ERBB4: variants seen among roughly 807,000 people sequenced by gnomAD.
ERBB4 encodes the protein receptor tyrosine-protein kinase erbB-4.
Under a neutral mutation model 158.0 loss-of-function variants are expected in ERBB4, and 42 were observed. That is an observed-to-expected ratio of 0.27 (90% CI 0.21 to 0.34). The LOEUF is 0.34. ERBB4 is among the 10% of genes least tolerant of loss of function. The pLI is 1.00. For missense variants in ERBB4, 1,333 were observed against 1,624.1 expected, an observed-to-expected ratio of 0.82 and a Z score of 3.08; for synonymous variants, 583 against 558.7, an observed-to-expected ratio of 1.04 and a Z score of -0.61.
At chr2:211,554,645 C>G (rs2067190509) in intron 20 of ERBB4, among the ~76,000 whole-genome samples, 1 of 152,186 alleles carries the variant, frequency 6.6e-6, no homozygotes, top group Non-Finnish European at 1.5e-5. Context: ...ACCTTGGTCC[C>G]AGGATCTGTG....
At position 211,839,164 on chromosome 2, in the gene ERBB4, G is replaced by GAGGAGA. The variant is rs1164850788; in HGVS notation, c.422-51006_422-51005insTCTCCT. Among the ~76,000 whole-genome samples the GAGGAGA allele has an allele frequency of 1.8e-3, 140 of 76,386 alleles. 1 individual carries two copies. Among genetic ancestry groups the GAGGAGA allele is most frequent in the African/African-American group, 6.5e-3 (137 of 20,996 alleles). The allele number at this position is 76,386 out of a possible 152,430, so 50.1% of individuals were successfully genotyped here. A position where few individuals can be genotyped will look rare whatever the true frequency, so the allele number is the denominator to read the frequency against. On this transcript the variant is annotated intron_variant, in intron 3 of 27. Transcript: ENST00000342788. ...GAGGGAGAGAGAGAAGGAGGAGGAG[G>GAGGAGA]AGGAGGAGGAGGAGGAGGAGGAGGA...
At chr2:211,670,994 G>A (rs924346248) in intron 14 of ERBB4, among the ~76,000 whole-genome samples, 14 of 151,794 alleles carry the variant, frequency 9.2e-5, no homozygotes, top group Non-Finnish European at 1.5e-4. Context: ...TTCAGACATG[G>A]GATTTTTTTT....
At chr2:211,417,057 G>A (rs2063409680) in intron 25 of ERBB4, among the ~76,000 whole-genome samples, 1 of 152,138 alleles carries the variant, frequency 6.6e-6, no homozygotes, top group Non-Finnish European at 1.5e-5. Flanking sequence ...TATTCCGTGA[G>A]AAAATTTTTA....
At chr2:212,060,954 T>A (rs941714514) in intron 2 of ERBB4, among the ~76,000 whole-genome samples, 3 of 136,554 alleles carry the variant, frequency 2.2e-5, no homozygotes, top group Non-Finnish European at 3.1e-5. Flanking sequence ...AAACTTAAAG[T>A]ATGATAATAA....
At chr2:212,114,947 G>C (rs569451561) in intron 2 of ERBB4, among the ~76,000 whole-genome samples, 1 of 152,250 alleles carries the variant, frequency 6.6e-6, no homozygotes, top group East Asian at 1.9e-4. Context: ...AGCTCTTGTT[G>C]AGGGGCTACA....
At position 211,624,060 on chromosome 2, in the gene ERBB4, A is replaced by G; in HGVS notation, c.2080-16T>C. The G allele has an allele frequency of 6.2e-7, 1 of 1,613,942 alleles. No homozygotes were observed. Among genetic ancestry groups the G allele is most frequent in the Non-Finnish European group, 8.5e-7 (1 of 1,179,894 alleles). ...GTTCCACCAACTGCAAAGCGGAAAG[A>G]AGAAGGTTATACTTTCAGTCCGATA... On this transcript the variant is annotated splice_polypyrimidine_tract_variant and intron_variant, in intron 17 of 27. Coordinates refer to ENST00000342788, the MANE Select transcript of ERBB4 (RefSeq NM_005235.3).
intron 2 of ERBB4, among the ~76,000 whole-genome samples, chr2:212,110,566 A>C (rs1297337509): frequency 6.6e-6 from 1 of 152,238 alleles, no homozygotes; most frequent in Non-Finnish European, 1.5e-5. Context: ...CACCACACTA[A>C]GGCGAAGTCC....
At position 211,380,639 on chromosome 2, in the gene ERBB4, AC is replaced by A; in HGVS notation, c.*2975del. ...GCTGAAATATGTTTTCCCAGGGGGGACAAAAATAAAACAAAAAACACTCAAA... is the reference window on the plus strand; with the variant it reads ...GCTGAAATATGTTTTCCCAGGGGGGAAAAAATAAAACAAAAAACACTCAAA... On this transcript the variant is annotated 3_prime_UTR_variant, in exon 28 of 28. Transcript: ENST00000342788. 8.6e-6 allele frequency: 2 copies of A among 231,846 alleles called. No homozygotes were observed. The highest frequency in any genetic ancestry group is 1.7e-5 in the Non-Finnish European group (2 of 117,270). 14.4% of individuals were successfully genotyped at this position (231,846 alleles called of 1,614,324 possible). A position where few individuals can be genotyped will look rare whatever the true frequency, so the allele number is the denominator to read the frequency against.
At chr2:211,541,690 G>A (rs2066814400) in intron 20 of ERBB4, among the ~76,000 whole-genome samples, 1 of 151,962 alleles carries the variant, frequency 6.6e-6, no homozygotes, top group South Asian at 2.1e-4. Flanking sequence ...TTCCACTCAT[G>A]GGTATTTTTC....
At chr2:212,481,283 G>A (rs530409807) in intron 1 of ERBB4, among the ~76,000 whole-genome samples, 4 of 151,876 alleles carry the variant, frequency 2.6e-5, no homozygotes, top group Non-Finnish European at 5.9e-5. Context: ...ATATATGAAT[G>A]CTTTTTGAAA....
intron 25 of ERBB4, among the ~76,000 whole-genome samples, chr2:211,404,296 C>T (rs928568419): frequency 4.6e-5 from 7 of 152,132 alleles, no homozygotes; most frequent in African/African-American, 9.6e-5. Context: ...AAGTTTTCTA[C>T]GCCTTTGGTG....
At chr2:212,527,693 T>TATTTATTTA (rs1189774147) in intron 1 of ERBB4, among the ~76,000 whole-genome samples, 6 of 142,016 alleles carry the variant, frequency 4.2e-5, no homozygotes, top group African/African-American at 1.4e-4. Context: ...CCAAATCTTT[T>TATTTATTTA]ATTTATTTAT....
intron 1 of ERBB4, among the ~76,000 whole-genome samples, chr2:212,319,605 A>G (rs2087464058): frequency 1.3e-5 from 2 of 150,512 alleles, no homozygotes; most frequent in South Asian, 2.1e-4. Context: ...GCAACTTTGC[A>G]TAAGTGAAAC....
At chr2:211,698,665 A>T (rs538583779) in intron 12 of ERBB4, among the ~76,000 whole-genome samples, 1 of 152,130 alleles carries the variant, frequency 6.6e-6, no homozygotes, top group Non-Finnish European at 1.5e-5. Context: ...TGGGTTTAAC[A>T]GTATCTGTAT....
chr2:211,487,292 A>C (rs2065231931), intron 20 of ERBB4, among the ~76,000 whole-genome samples: 1 of 151,884 alleles, frequency 6.6e-6, no homozygotes. Context: ...TTTTCTGCTT[A>C]AAAGTGGTAC....
chr2:211,624,068 T>A (rs952187139), intron 17 of ERBB4, 24 bp from the exon 18 acceptor site: 6 of 1,613,858 alleles, frequency 3.7e-6, no homozygotes, highest in Non-Finnish European at 5.1e-6. Flanking sequence ...AGAAGAAGGT[T>A]ATACTTTCAG....
chr2:212,443,757 G>A (rs929269448), intron 1 of ERBB4, among the ~76,000 whole-genome samples: 5 of 152,200 alleles, frequency 3.3e-5, no homozygotes, highest in Non-Finnish European at 5.9e-5. Flanking sequence ...GCCTTTGGCA[G>A]GTCCCCATAG....
intron 12 of ERBB4, among the ~76,000 whole-genome samples, chr2:211,690,284 G>C (rs9288437): frequency 0.51 from 77,199 of 151,706 alleles, 20,908 homozygotes; most frequent in East Asian, 0.98. Context: ...TTACTTTCAG[G>C]TTTGCTATCT....
rs369408439 is a variant in ERBB4 at position 211,392,235 on chromosome 2, AAATTATAATTCCTGATGC to A, written c.3136-4261_3136-4244del. On this transcript the variant is annotated intron_variant, in intron 25 of 27. Coordinates refer to ENST00000342788, the MANE Select transcript of ERBB4 (RefSeq NM_005235.3). ...CATTATGTTATAATTATTGCATTAT[AAATTATAATTCCTGATGC>A]ATGGTTGTAACTCTGCATCTTTCTC... Among the ~76,000 whole-genome samples, 903 of 152,286 alleles carry A rather than the reference AAATTATAATTCCTGATGC, an allele frequency of 5.9e-3. 10 individuals carry two copies. The highest frequency in any genetic ancestry group is 0.021 in the African/African-American group (864 of 41,546).
Sources: allele counts gnomAD v4.1 joint callset (sites outside exome capture counted in the v4.1 genomes callset), GRCh38; gene constraint gnomAD v4.1.1; transcripts MANE v1.5; gene names NCBI Gene and HGNC (gene_info 2026-07-23, HGNC 2026-07-21).